BMPR1B: variants seen among roughly 807,000 people sequenced by gnomAD.
The protein encoded by BMPR1B is bone morphogenetic protein receptor type 1B.
A neutral mutation model predicts 59.1 loss-of-function variants in BMPR1B; 12 were observed. That is an observed-to-expected ratio of 0.20 (90% confidence interval 0.13 to 0.33). The LOEUF is 0.33. Among genes scored for constraint, BMPR1B ranks in the 10% least tolerant of loss-of-function variants. The probability of loss-of-function intolerance (pLI) is 1.00; values close to 1 mark genes in which losing one functional copy is unlikely to be tolerated. For synonymous variants in BMPR1B, 237 were observed against 207.3 expected, an observed-to-expected ratio of 1.14 and a Z score of -1.23; for missense variants, 550 against 610.9, an observed-to-expected ratio of 0.90 and a Z score of 1.05.
rs1002223469 is a variant in BMPR1B, at chr4:94,832,867, A to G, written c.-182-42964A>G. On this transcript the variant is annotated intron_variant, in intron 1 of 12. Coordinates refer to ENST00000515059, the MANE Select transcript of BMPR1B (RefSeq NM_001203.3). The stretch of plus-strand genomic sequence containing the variant: ...ACGCTGCATGGGTCAAAGAAATCCC[A>G]ACTCTGCACTTGAGCAGGTCATGTC... Among the ~76,000 whole-genome samples the G allele has an allele frequency of 5.8e-4, 89 of 152,182 alleles. 1 individual carries two copies. Among genetic ancestry groups the G allele is most frequent in the Non-Finnish European group, 8.5e-4 (58 of 68,030 alleles).
chr4:94,878,676 A>G (rs1726834453), intron 2 of BMPR1B, among the ~76,000 whole-genome samples: 1 of 150,798 alleles, frequency 6.6e-6, no homozygotes, highest in Non-Finnish European at 1.5e-5. Context: ...TATAGGGCCT[A>G]GTGCAGAAGC....
intron 1 of BMPR1B, among the ~76,000 whole-genome samples, chr4:94,779,159 T>C (rs1722497252): frequency 6.6e-6 from 1 of 152,162 alleles, no homozygotes. Context: ...AATTTTTTTC[T>C]TGAGGTGTGA....
intron 2 of BMPR1B, among the ~76,000 whole-genome samples, chr4:94,937,501 A>C (rs1729356837): frequency 6.6e-6 from 1 of 152,196 alleles, no homozygotes; most frequent in African/African-American, 2.4e-5. Context: ...CATTGAATAA[A>C]TAAACTGACT....
chr4:94,891,078 C>T (rs1004283603), intron 2 of BMPR1B, among the ~76,000 whole-genome samples: 1 of 152,060 alleles, frequency 6.6e-6, no homozygotes, highest in African/African-American at 2.4e-5. Flanking sequence ...TATATCTTCT[C>T]ATAGCTTTAT....
chr4:94,775,399 C>T (rs777504740), intron 1 of BMPR1B, among the ~76,000 whole-genome samples: 18 of 152,114 alleles, frequency 1.2e-4, no homozygotes, highest in Non-Finnish European at 2.4e-4. Context: ...ATTATTTGAT[C>T]GCAAAATGTT....
intron 1 of BMPR1B, among the ~76,000 whole-genome samples, chr4:94,812,680 G>T (rs1723863432): frequency 6.6e-6 from 1 of 152,202 alleles, no homozygotes. Context: ...GGAGGAGAGA[G>T]GGTGAGGGCA....
chr4:95,029,876 G>A (rs1454023801), intron 3 of BMPR1B, among the ~76,000 whole-genome samples: 2 of 152,234 alleles, frequency 1.3e-5, no homozygotes, highest in East Asian at 3.9e-4. Context: ...GTGATGATGA[G>A]CATTTTTTCA....
At chr4:95,020,577 C>CA (rs10549500) in intron 3 of BMPR1B, among the ~76,000 whole-genome samples, 24 of 123,746 alleles carry the variant, frequency 1.9e-4, no homozygotes, top group African/African-American at 6.3e-4. Flanking sequence ...GACTCCATCT[C>CA]AAAAAAAAAA....
intron 1 of BMPR1B, among the ~76,000 whole-genome samples, chr4:94,837,939 A>G (rs1160133874): frequency 2.3e-5 from 3 of 128,312 alleles, no homozygotes; most frequent in African/African-American, 9.4e-5. Context: ...TCCCATCAAT[A>G]CCTAATTTGT....
At chr4:94,894,336 T>G (rs1348185330) in intron 2 of BMPR1B, among the ~76,000 whole-genome samples, 1 of 152,026 alleles carries the variant, frequency 6.6e-6, no homozygotes, top group Non-Finnish European at 1.5e-5. Flanking sequence ...GAATAGTTTC[T>G]CCAATATATT....
chr4:94,915,255 C>T (rs1326379507), intron 2 of BMPR1B, among the ~76,000 whole-genome samples: 3 of 152,140 alleles, frequency 2.0e-5, no homozygotes, highest in South Asian at 2.1e-4. Flanking sequence ...GCTGCCCTTA[C>T]ATTTTTTTCT....
At chr4:95,004,382 T>C (rs1322223830) in intron 3 of BMPR1B, among the ~76,000 whole-genome samples, 1 of 152,172 alleles carries the variant, frequency 6.6e-6, no homozygotes, top group East Asian at 1.9e-4. Flanking sequence ...CCCTAGAACA[T>C]TTAAAATTAA....
intron 3 of BMPR1B, among the ~76,000 whole-genome samples, chr4:95,053,698 T>C (rs1329577540): frequency 1.3e-5 from 2 of 152,166 alleles, no homozygotes; most frequent in African/African-American, 4.8e-5. Context: ...CATCTTAGTG[T>C]GATGAACATG....
intron 8 of BMPR1B, among the ~76,000 whole-genome samples, chr4:95,128,120 A>C (rs1733038169): frequency 1.3e-5 from 2 of 152,160 alleles, no homozygotes; most frequent in South Asian, 4.2e-4. Flanking sequence ...TCCTGGACTC[A>C]AGGGATCCTC....
chr4:95,145,881 G>A (rs1333623360), intron 10 of BMPR1B, among the ~76,000 whole-genome samples: 1 of 152,182 alleles, frequency 6.6e-6, no homozygotes, highest in Non-Finnish European at 1.5e-5. Flanking sequence ...TATCCTTCTA[G>A]AAATTGGTAA....
At chr4:94,853,186 C>T (rs1192233439) in intron 1 of BMPR1B, among the ~76,000 whole-genome samples, 1 of 152,008 alleles carries the variant, frequency 6.6e-6, no homozygotes, top group East Asian at 1.9e-4. Flanking sequence ...AAAAGCAACT[C>T]ATTTATTTAC....
intron 1 of BMPR1B, among the ~76,000 whole-genome samples, chr4:94,779,125 A>G (rs1019452741): frequency 1.3e-5 from 2 of 152,092 alleles, no homozygotes; most frequent in African/African-American, 4.8e-5. Flanking sequence ...TATTCTCTTA[A>G]TAGTCTTAAT....
intron 2 of BMPR1B, among the ~76,000 whole-genome samples, chr4:94,930,386 T>C (rs952885169): frequency 9.9e-5 from 15 of 152,078 alleles, no homozygotes; most frequent in Non-Finnish European, 1.5e-5. Flanking sequence ...TGTTCCCTGG[T>C]ATTTCAGGTG....
chr4:95,034,037 C>G (rs1391278706), intron 3 of BMPR1B, among the ~76,000 whole-genome samples: 1 of 152,170 alleles, frequency 6.6e-6, no homozygotes, highest in Middle Eastern at 3.4e-3. Context: ...AGACATCAAC[C>G]ATGATTAATT....
Sources: allele counts gnomAD v4.1 joint callset (sites outside exome capture counted in the v4.1 genomes callset), GRCh38; gene constraint gnomAD v4.1.1; transcripts MANE v1.5; gene names NCBI Gene and HGNC (gene_info 2026-07-23, HGNC 2026-07-21).